Variants in LDLRAD3 observed in about 807,000 individuals in gnomAD.
The protein encoded by LDLRAD3 is low density lipoprotein receptor class A domain containing 3.
LDLRAD3 carries 20 observed loss-of-function variants against 29.4 expected under a neutral mutation model. The ratio of observed to expected loss-of-function variants is 0.68; its 90% confidence interval spans 0.48 to 0.99. The LOEUF (loss-of-function observed/expected upper bound fraction) is 0.99, where lower values mean the gene tolerates loss of function less well. LDLRAD3 is among the 50% of genes least tolerant of loss of function. LDLRAD3 has a pLI of 0.00. For synonymous variants in LDLRAD3, 157 were observed against 192.7 expected (o/e 0.81, Z 1.53); for missense variants, 420 against 454.3 (o/e 0.92, Z 0.69).
chr11:36,191,662 T>A (rs1854955598), intron 4 of LDLRAD3, among the ~76,000 whole-genome samples: 1 of 148,572 alleles, frequency 6.7e-6, no homozygotes. Flanking sequence ...GATAGAATAC[T>A]TAATGTATTT....
At chr11:36,116,232 A>C (rs562724338) in intron 4 of LDLRAD3, among the ~76,000 whole-genome samples, 10 of 152,194 alleles carry the variant, frequency 6.6e-5, no homozygotes, top group Non-Finnish European at 1.3e-4. Flanking sequence ...AAAAACACCA[A>C]ATTGAAGAAC....
Position 36,116,844 on chromosome 11 carries a change from CTTT to C in LDLRAD3, c.454+18396_454+18398del, listed in dbSNP as rs58819693. Among the ~76,000 whole-genome samples the C allele has an allele frequency of 1.0e-3, 141 of 136,952 alleles. 1 individual carries two copies. Among genetic ancestry groups the C allele is most frequent in the South Asian group, 1.9e-3 (8 of 4,268 alleles). 89.8% of individuals were successfully genotyped at this position (136,952 alleles called of 152,430 possible). On this transcript the variant is annotated intron_variant, in intron 4 of 5. Coordinates refer to ENST00000315571, the MANE Select transcript of LDLRAD3 (RefSeq NM_174902.4). Reference sequence around the variant, plus strand: ...GAGTAACCTTTCTTTTTCTTTTTTTCTTTTTTTTTTTTTTTGAGATAGAGTCTC... The same window carrying C: ...GAGTAACCTTTCTTTTTCTTTTTTTCTTTTTTTTTTTTGAGATAGAGTCTC...
chr11:36,168,310 T>C (rs909309806), intron 4 of LDLRAD3, among the ~76,000 whole-genome samples: 9 of 152,148 alleles, frequency 5.9e-5, no homozygotes, highest in African/African-American at 2.2e-4. Context: ...GCACTAAGCT[T>C]GAGCATGCAA....
At chr11:36,112,701 A>G (rs1456411442) in intron 4 of LDLRAD3, among the ~76,000 whole-genome samples, 3 of 152,230 alleles carry the variant, frequency 2.0e-5, no homozygotes, top group East Asian at 3.9e-4. Context: ...TCCGTAGGAT[A>G]GGACACAGTC....
At chr11:36,198,668 C>T (rs1439094430) in intron 4 of LDLRAD3, among the ~76,000 whole-genome samples, 1 of 152,220 alleles carries the variant, frequency 6.6e-6, no homozygotes, top group Non-Finnish European at 1.5e-5. Flanking sequence ...ACACACCTAG[C>T]TCTGGACTTC....
Position 36,104,433 on chromosome 11 carries a change from T to C in LDLRAD3, c.454+5972T>C, listed in dbSNP as rs994229507. 3.3e-5 allele frequency among the ~76,000 whole-genome samples: 5 copies of C among 152,112 alleles called. No homozygotes were observed. In the East Asian group the frequency reaches 9.6e-4, roughly 29 times the overall value. ...TAAACCTCTAAGTTTTGGGGGTCAT[T>C]TTTTCTGCCACATTAGATAACTGAC... is the stretch of plus-strand genomic sequence containing the variant. On this transcript the variant is annotated intron_variant, in intron 4 of 5. Transcript: ENST00000315571.
intron 4 of LDLRAD3, among the ~76,000 whole-genome samples, chr11:36,202,495 T>C (rs889058329): frequency 6.6e-6 from 1 of 152,166 alleles, no homozygotes; most frequent in African/African-American, 2.4e-5. Flanking sequence ...TCACCGAAGT[T>C]TGAGACTTGA....
At chr11:36,207,014 C>T (rs1358890433) in intron 4 of LDLRAD3, among the ~76,000 whole-genome samples, 1 of 152,210 alleles carries the variant, frequency 6.6e-6, no homozygotes, top group Non-Finnish European at 1.5e-5. Flanking sequence ...GCATGAACCA[C>T]TGCACCCGAC....
chr11:36,180,825 G>T (rs1176525025), intron 4 of LDLRAD3, among the ~76,000 whole-genome samples: 1 of 152,184 alleles, frequency 6.6e-6, no homozygotes, highest in Non-Finnish European at 1.5e-5. Flanking sequence ...AGAACGGTCA[G>T]TGCGGGCCAT....
chr11:36,074,837 A>C (rs1276442652), intron 2 of LDLRAD3, among the ~76,000 whole-genome samples: 5 of 152,150 alleles, frequency 3.3e-5, no homozygotes, highest in Admixed American at 3.3e-4. Flanking sequence ...GACCCTGGAA[A>C]ATGGAACTCC....
chr11:36,143,536 T>C (rs1259084427), intron 4 of LDLRAD3, among the ~76,000 whole-genome samples: 3 of 152,240 alleles, frequency 2.0e-5, no homozygotes, highest in African/African-American at 7.2e-5. Flanking sequence ...TCCCACTTCC[T>C]GTTTGAGCCC....
chr11:35,956,354 A>G (rs986615461), intron 1 of LDLRAD3, among the ~76,000 whole-genome samples: 1 of 152,090 alleles, frequency 6.6e-6, no homozygotes, highest in South Asian at 2.1e-4. Flanking sequence ...ATTAGAAAAC[A>G]TTTTCCTGGT....
At chr11:35,971,404 T>C (rs746571438) in intron 1 of LDLRAD3, among the ~76,000 whole-genome samples, 1 of 152,004 alleles carries the variant, frequency 6.6e-6, no homozygotes, top group Non-Finnish European at 1.5e-5. Context: ...GATAGGGCCT[T>C]TAAAGAGATA....
intron 5 of LDLRAD3, among the ~76,000 whole-genome samples, chr11:36,227,782 C>T (rs1325078166): frequency 3.9e-5 from 6 of 152,180 alleles, no homozygotes; most frequent in Non-Finnish European, 7.3e-5. Flanking sequence ...CTGGCCTGCT[C>T]CTCCTGGGAA....
Position 36,062,636 on chromosome 11 carries a change from G to A in LDLRAD3, c.194-19017G>A, listed in dbSNP as rs1305132616. Among the ~76,000 whole-genome samples the A allele has an allele frequency of 2.0e-5, 3 of 152,146 alleles. No individual in the cohort carries two copies. In the East Asian group the frequency reaches 5.8e-4, roughly 29 times the overall value. On this transcript the variant is annotated intron_variant, in intron 2 of 5. Coordinates refer to ENST00000315571, the MANE Select transcript of LDLRAD3 (RefSeq NM_174902.4). ...CTGGTGGGAAGTAATTTAATCATGG[G>A]GGTGGTTACCTTCATGCTGTTCTCA...
At chr11:36,078,770 A>G (rs1034476742) in intron 2 of LDLRAD3, among the ~76,000 whole-genome samples, 4 of 152,110 alleles carry the variant, frequency 2.6e-5, no homozygotes, top group African/African-American at 7.2e-5. Flanking sequence ...CTGCCTCTCC[A>G]TGACCGACCA....
At chr11:36,217,679 T>C (rs1795387682) in intron 4 of LDLRAD3, among the ~76,000 whole-genome samples, 1 of 152,198 alleles carries the variant, frequency 6.6e-6, no homozygotes, top group Admixed American at 6.5e-5. Context: ...AAGTGCAAAT[T>C]GAAGGTACTG....
At chr11:36,117,652 G>A (rs576888921) in intron 4 of LDLRAD3, among the ~76,000 whole-genome samples, 6 of 152,224 alleles carry the variant, frequency 3.9e-5, no homozygotes, top group Non-Finnish European at 7.3e-5. Context: ...CCCACCCAGC[G>A]TGACAGTGTG....
rs779528678 is a variant in LDLRAD3, at chr11:36,045,719, T to TG, written c.193+9473dup. Among the ~76,000 whole-genome samples the TG allele has an allele frequency of 6.3e-3, 836 of 131,938 alleles. 7 individuals carry two copies. The highest frequency in any genetic ancestry group is 0.02 in the African/African-American group (799 of 40,190). 86.6% of individuals were successfully genotyped at this position (131,938 alleles called of 152,430 possible). ...AGTGAATAAGTCTCACGAGATCTGA[T>TG]GGGTTTTTTTTTTTTTTTCATTTCA... On this transcript the variant is annotated intron_variant, in intron 2 of 5. Coordinates refer to ENST00000315571, the MANE Select transcript of LDLRAD3 (RefSeq NM_174902.4).
Sources: allele counts gnomAD v4.1 joint callset (sites outside exome capture counted in the v4.1 genomes callset), GRCh38; gene constraint gnomAD v4.1.1; transcripts MANE v1.5; gene names NCBI Gene and HGNC (gene_info 2026-07-23, HGNC 2026-07-21).